ZC3H7B: variants seen among roughly 807,000 people sequenced by gnomAD.
ZC3H7B encodes the protein zinc finger CCCH domain-containing protein 7B.
Under a neutral mutation model 116.0 loss-of-function variants are expected in ZC3H7B, and 35 were observed. That is an observed-to-expected ratio of 0.30 (90% confidence interval 0.23 to 0.40). ZC3H7B has a LOEUF of 0.40. Among genes scored for constraint, ZC3H7B ranks in the 10% least tolerant of loss-of-function variants. The probability of loss-of-function intolerance (pLI) is 1.00; values close to 1 mark genes in which losing one functional copy is unlikely to be tolerated. For missense variants in ZC3H7B, 1,011 were observed against 1,321.5 expected (o/e 0.77, Z 3.64); for synonymous variants, 502 against 545.6 (o/e 0.92, Z 1.11).
At chr22:41,308,877 G>GAACAA (rs2036080914) in intron 1 of ZC3H7B, among the ~76,000 whole-genome samples, 1 of 151,996 alleles carries the variant, frequency 6.6e-6, no homozygotes, top group African/African-American at 2.4e-5. Context: ...CCCACCTCAG[G>GAACAA]GCCATTGCCT....
chr22:41,321,855 T>A (rs1411434006), intron 2 of ZC3H7B, among the ~76,000 whole-genome samples: 2 of 127,656 alleles, frequency 1.6e-5, no homozygotes, highest in African/African-American at 5.8e-5. Context: ...TTTTTTTTTT[T>A]TTGAGACGGA....
chr22:41,303,429 C>G (rs770574410), intron 1 of ZC3H7B, among the ~76,000 whole-genome samples: 9 of 152,140 alleles, frequency 5.9e-5, no homozygotes, highest in Non-Finnish European at 1.2e-4. Flanking sequence ...GTGCTGATCT[C>G]TCGAGTCTTA....
intron 1 of ZC3H7B, among the ~76,000 whole-genome samples, chr22:41,309,218 G>A (rs1438939050): frequency 6.6e-6 from 1 of 151,884 alleles, no homozygotes; most frequent in Non-Finnish European, 1.5e-5. Context: ...CACCGTGTTA[G>A]CCAGGATGGT....
chr22:41,310,245 T>A (rs536146799), intron 1 of ZC3H7B, among the ~76,000 whole-genome samples: 15 of 152,232 alleles, frequency 9.9e-5, no homozygotes, highest in African/African-American at 3.6e-4. Context: ...TAATTATGTC[T>A]GTTGTGAGTG....
rs948992893 is a variant in ZC3H7B, at chr22:41,338,879, G to A, written c.626-122G>A. The A allele has an allele frequency of 1.7e-6, 2 of 1,146,510 alleles. No individual in the cohort carries two copies. Among genetic ancestry groups the A allele is most frequent in the South Asian group, 1.7e-5 (1 of 58,320 alleles). The allele number at this position is 1,146,510 out of a possible 1,614,324, so 71.0% of individuals were successfully genotyped here. A position where few individuals can be genotyped will look rare whatever the true frequency, so the allele number is the denominator to read the frequency against. On this transcript the variant is annotated intron_variant, in intron 8 of 22. Coordinates refer to ENST00000352645, the MANE Select transcript of ZC3H7B (RefSeq NM_017590.6). This position sits in a 1 kb window ranked among gnomAD's most constrained non-coding sequence, Gnocchi z 4.5. Reference sequence around the variant, plus strand: ...TGGGATCAGCCGATGGGGAAGGCAGGGCTCCTGGCAAGAGCTGAAAGAAGA... The same window carrying A: ...TGGGATCAGCCGATGGGGAAGGCAGAGCTCCTGGCAAGAGCTGAAAGAAGA...
rs929558409 is a variant in ZC3H7B at position 41,338,804 on chromosome 22, C to T, written c.626-197C>T. On this transcript the variant is annotated intron_variant, in intron 8 of 22. Coordinates refer to ENST00000352645, the MANE Select transcript of ZC3H7B (RefSeq NM_017590.6). This position sits in a 1 kb window ranked among gnomAD's most constrained non-coding sequence, Gnocchi z 4.5. The stretch of plus-strand genomic sequence containing the variant: ...GACATCATAGGACTGAGGGCCCCTC[C>T]CTGCTCTGGGGCTGTGGCCTTCCTT... Among the ~76,000 whole-genome samples, 1 of 152,182 alleles carries T rather than the reference C, an allele frequency of 6.6e-6. No homozygotes were observed. The highest frequency in any genetic ancestry group is 2.4e-5 in the African/African-American group (1 of 41,456).
chr22:41,352,065 G>A (rs758470647), intron 17 of ZC3H7B, among the ~76,000 whole-genome samples: 24 of 152,272 alleles, frequency 1.6e-4, no homozygotes, highest in Non-Finnish European at 2.1e-4. Flanking sequence ...GAAACTCCTG[G>A]GCTCAAGCAA....
In ZC3H7B at chr22:41,349,313, G is replaced by A; in HGVS notation, c.1948+12G>A. On this transcript the variant is annotated intron_variant, in intron 16 of 22. Coordinates refer to ENST00000352645, the MANE Select transcript of ZC3H7B (RefSeq NM_017590.6). This position sits in a 1 kb window ranked among gnomAD's most constrained non-coding sequence, Gnocchi z 4.9. ...GCAGCAGTACTCAGGTGAGGGGCAG[G>A]CGGTGCAGGTGGAGGGCAGGTGACT... is the stretch of plus-strand genomic sequence containing the variant. 1 of 1,612,536 alleles carries A rather than the reference G, an allele frequency of 6.2e-7. No homozygotes were observed. The highest frequency in any genetic ancestry group is 8.5e-7 in the Non-Finnish European group (1 of 1,179,340).
Position 41,356,484 on chromosome 22 carries a change from C to T in ZC3H7B, c.2517+8C>T. On this transcript the variant is annotated splice_region_variant and intron_variant, in intron 21 of 22. Coordinates refer to ENST00000352645, the MANE Select transcript of ZC3H7B (RefSeq NM_017590.6). ...GACTACGCGGACATCATGGTAACGC[C>T]TCCGCCCTGCATGCTCGGGGCTGCG... 1 of 1,613,898 alleles carries T rather than the reference C, an allele frequency of 6.2e-7. No homozygotes were observed.
At chr22:41,329,214 AAAAG>A (rs2036352583) in intron 5 of ZC3H7B, among the ~76,000 whole-genome samples, 1 of 151,210 alleles carries the variant, frequency 6.6e-6, no homozygotes, top group African/African-American at 2.4e-5. Flanking sequence ...CAAAAAATCA[AAAAG>A]AAAGAGACAA....
At chr22:41,356,538 G>A (rs1032198596) in intron 21 of ZC3H7B, 62 bp downstream of exon 21, 4 of 1,610,430 alleles carry the variant, frequency 2.5e-6, no homozygotes, top group South Asian at 1.1e-5. Flanking sequence ...GCCTCACCTG[G>A]GAGGGGCAGC....
chr22:41,328,408 G>T (rs1270731856), intron 5 of ZC3H7B, among the ~76,000 whole-genome samples: 1 of 152,238 alleles, frequency 6.6e-6, no homozygotes. Flanking sequence ...CCTGCTCCAT[G>T]CTGGGCACTG....
At position 41,302,550 on chromosome 22, in the gene ZC3H7B, C is replaced by T. The variant is rs2145888764; in HGVS notation, c.-7+778C>T. Among the ~76,000 whole-genome samples, 1 of 152,060 alleles carries T rather than the reference C, an allele frequency of 6.6e-6. No homozygotes were observed. The highest frequency in any genetic ancestry group is 2.1e-4 in the South Asian group (1 of 4,818). On this transcript the variant is annotated intron_variant, in intron 1 of 22. Transcript: ENST00000352645. This position sits in a 1 kb window ranked among gnomAD's most constrained non-coding sequence, Gnocchi z 5.7. Reference sequence around the variant, plus strand: ...GGGGGCGCCCTGACGGGGCTGGGGGCCTGGGAGCCGCCGACTCCGGCCTCA... The same window carrying T: ...GGGGGCGCCCTGACGGGGCTGGGGGTCTGGGAGCCGCCGACTCCGGCCTCA...
intron 1 of ZC3H7B, among the ~76,000 whole-genome samples, chr22:41,308,922 C>A (rs2036081745): frequency 6.6e-6 from 1 of 152,064 alleles, no homozygotes; most frequent in South Asian, 2.1e-4. Flanking sequence ...TGCCCTCTTA[C>A]CCCACCTCCT....
chr22:41,347,393 G>C (rs2036600648), intron 14 of ZC3H7B, among the ~76,000 whole-genome samples: 1 of 152,212 alleles, frequency 6.6e-6, no homozygotes, highest in African/African-American at 2.4e-5. Flanking sequence ...CTCCCCACAG[G>C]GCGCTGTCCT....
chr22:41,341,248 T>G, intron 11 of ZC3H7B, 102 bp downstream of exon 11: 1 of 1,395,646 alleles, frequency 7.2e-7, no homozygotes, highest in South Asian at 1.2e-5. Context: ...GGCACTGCAT[T>G]CCCCACGGCG....
rs373203459 is a variant in ZC3H7B at position 41,351,618 on chromosome 22, C to T, written c.2006C>T (p.Ala669Val). 11 of 1,613,766 alleles carry T rather than the reference C, an allele frequency of 6.8e-6. No individual in the cohort carries two copies. Among genetic ancestry groups the T allele is most frequent in the South Asian group, 3.3e-5 (3 of 91,056 alleles). The change falls in exon 17 of 23, where the codon GCG (alanine) becomes GTG (valine). Residue 669 changes from alanine (A) to valine (V), a missense_variant. Physicochemically the swap from Ala to Val is moderately conservative, Grantham distance 64 (BLOSUM62 0). Transcript: ENST00000352645. The surrounding 1 kb of genome is among the most constrained non-coding windows in gnomAD (Gnocchi z 5.1). ...AAGAAGTACTGGCAGCAGATGGAGG[C>T]GCATGCGGGGAAGGCCAGCAGCAGC... Reference protein sequence around the residue: ...ESKKYWQQMEAHAGKASSSMG... With the variant: ...ESKKYWQQMEVHAGKASSSMG...
At chr22:41,305,758 C>T (rs988613072) in intron 1 of ZC3H7B, among the ~76,000 whole-genome samples, 1 of 152,228 alleles carries the variant, frequency 6.6e-6, no homozygotes, top group Middle Eastern at 3.4e-3. Flanking sequence ...CTGCTGGGTG[C>T]CGGCCCAGCA....
intron 1 of ZC3H7B, among the ~76,000 whole-genome samples, chr22:41,313,292 T>G (rs1293074718): frequency 6.6e-6 from 1 of 152,098 alleles, no homozygotes; most frequent in Non-Finnish European, 1.5e-5. Context: ...CTAATTTTTT[T>G]GTATTTTTAG....
Sources: allele counts gnomAD v4.1 joint callset (sites outside exome capture counted in the v4.1 genomes callset), GRCh38; gene constraint gnomAD v4.1.1; non-coding constraint Gnocchi (gnomAD v3.1); transcripts MANE v1.5; gene names NCBI Gene and HGNC (gene_info 2026-07-23, HGNC 2026-07-21).